The following ADGRL3 variants were observed in gnomAD, a reference collection of about 807,000 sequenced individuals.
The protein encoded by ADGRL3 is calcium-independent alpha-latrotoxin receptor 3.
A neutral mutation model predicts 153.5 loss-of-function variants in ADGRL3; 62 were observed. The ratio of observed to expected loss-of-function variants is 0.40; its 90% confidence interval spans 0.33 to 0.50. The LOEUF (loss-of-function observed/expected upper bound fraction) is 0.50, where lower values mean the gene tolerates loss of function less well. ADGRL3 is among the 20% of genes least tolerant of loss of function. The pLI is 0.47. For synonymous variants in ADGRL3, 710 were observed against 672.5 expected, an observed-to-expected ratio of 1.06 and a Z score of -0.86; for missense variants, 1,641 against 1,859.4, an observed-to-expected ratio of 0.88 and a Z score of 2.16.
At chr4:61,242,238 A>G (rs545903932) in intron 1 of ADGRL3, among the ~76,000 whole-genome samples, 17 of 152,014 alleles carry the variant, frequency 1.1e-4, no homozygotes, top group South Asian at 2.1e-4. Context: ...TGTAACCTCA[A>G]TGAGGTTGGA....
intron 1 of ADGRL3, among the ~76,000 whole-genome samples, chr4:61,268,938 T>C (rs2093006773): frequency 6.6e-6 from 1 of 151,706 alleles, no homozygotes; most frequent in African/African-American, 2.4e-5. Flanking sequence ...CCCTTTATAC[T>C]TAGAGCTTTA....
chr4:61,443,507 A>C (rs2097548772), intron 2 of ADGRL3, among the ~76,000 whole-genome samples: 1 of 152,196 alleles, frequency 6.6e-6, no homozygotes, highest in African/African-American at 2.4e-5. Context: ...GAACCCATAA[A>C]AATATTCAAA....
At position 61,694,175 on chromosome 4, in the gene ADGRL3, CATTATTTTTTTTTTTTTTTTTTT is replaced by C. The variant is rs2095592800; in HGVS notation, c.583+17241_583+17263del. On this transcript the variant is annotated intron_variant, in intron 6 of 26. Transcript: ENST00000683033. ...GTCCTATACTATTTTAAAATTTTGT[CATTATTTTTTTTTTTTTTTTTTT>C]TTTTTTTTTTTTTTTTTTTTTAGAG... 7.7e-5 allele frequency among the ~76,000 whole-genome samples: 4 copies of C among 51,848 alleles called. 1 individual carries two copies. Among genetic ancestry groups the C allele is most frequent in the East Asian group, 1.5e-3 (2 of 1,374 alleles). 34.0% of individuals were successfully genotyped at this position (51,848 alleles called of 152,430 possible).
intron 21 of ADGRL3, among the ~76,000 whole-genome samples, chr4:62,002,780 T>C (rs2099144979): frequency 1.3e-5 from 2 of 152,274 alleles, no homozygotes; most frequent in South Asian, 4.1e-4. Flanking sequence ...ATTGAGTTTC[T>C]GACAGGTCAA....
At chr4:61,686,989 T>G (rs1448353441) in intron 6 of ADGRL3, among the ~76,000 whole-genome samples, 1 of 152,088 alleles carries the variant, frequency 6.6e-6, no homozygotes, top group Non-Finnish European at 1.5e-5. Flanking sequence ...CTTTTTTATG[T>G]TTAAATTTAA....
intron 4 of ADGRL3, among the ~76,000 whole-genome samples, chr4:61,559,999 C>G (rs1217812368): frequency 6.6e-6 from 1 of 152,050 alleles, no homozygotes; most frequent in Admixed American, 6.6e-5. Flanking sequence ...CACATATTCA[C>G]ATGAAAAAGT....
At chr4:61,359,625 C>G (rs1368457751) in intron 1 of ADGRL3, among the ~76,000 whole-genome samples, 1 of 152,082 alleles carries the variant, frequency 6.6e-6, no homozygotes, top group African/African-American at 2.4e-5. Context: ...CGAATTTTAC[C>G]TTCTCAATGA....
chr4:61,345,561 A>C (rs1477745830), intron 1 of ADGRL3, among the ~76,000 whole-genome samples: 2 of 152,212 alleles, frequency 1.3e-5, no homozygotes, highest in Admixed American at 6.5e-5. Context: ...TGATTATTGC[A>C]TGGGCAAGAA....
At chr4:61,822,584 C>A (rs921845391) in intron 9 of ADGRL3, among the ~76,000 whole-genome samples, 1 of 152,050 alleles carries the variant, frequency 6.6e-6, no homozygotes, top group Non-Finnish European at 1.5e-5. Flanking sequence ...GTTTTGCAAA[C>A]CTGTAACATA....
chr4:61,652,389 T>A (rs2094292140), intron 5 of ADGRL3, among the ~76,000 whole-genome samples: 1 of 152,168 alleles, frequency 6.6e-6, no homozygotes, highest in African/African-American at 2.4e-5. Flanking sequence ...TTTCTTTGGA[T>A]TAATTGATTA....
At chr4:61,940,251 G>A (rs1320672935) in intron 15 of ADGRL3, among the ~76,000 whole-genome samples, 5 of 36,794 alleles carry the variant, frequency 1.4e-4, no homozygotes, top group African/African-American at 5.5e-4. Context: ...CCCTACAAAG[G>A]ATATGAACTC....
intron 1 of ADGRL3, among the ~76,000 whole-genome samples, chr4:61,320,529 G>A (rs943714166): frequency 6.6e-6 from 1 of 152,134 alleles, no homozygotes; most frequent in Non-Finnish European, 1.5e-5. Context: ...TTGAAGGCTG[G>A]TAAACTCAAG....
chr4:61,923,257 A>G (rs1000071484), intron 13 of ADGRL3, among the ~76,000 whole-genome samples: 1 of 152,218 alleles, frequency 6.6e-6, no homozygotes, highest in African/African-American at 2.4e-5. Flanking sequence ...TTCCTCTGAT[A>G]CTGATTCTTA....
chr4:61,628,019 C>T (rs754600421), intron 5 of ADGRL3, among the ~76,000 whole-genome samples: 1 of 152,082 alleles, frequency 6.6e-6, no homozygotes. Context: ...TACAGAGTAA[C>T]TCTCCTTGGA....
chr4:61,306,073 CTTAT>C (rs1310054396), intron 1 of ADGRL3, among the ~76,000 whole-genome samples: 3 of 151,814 alleles, frequency 2.0e-5, no homozygotes, highest in African/African-American at 4.8e-5. Flanking sequence ...CAAGGATGAA[CTTAT>C]TTATTTATTT....
chr4:62,062,907 T>C (rs1740962210), intron 25 of ADGRL3, among the ~76,000 whole-genome samples: 1 of 152,134 alleles, frequency 6.6e-6, no homozygotes, highest in Non-Finnish European at 1.5e-5. Flanking sequence ...TACCATGGTG[T>C]ACTAATGAGT....
intron 17 of ADGRL3, among the ~76,000 whole-genome samples, chr4:61,972,047 CT>C (rs1199435991): frequency 6.6e-6 from 1 of 151,744 alleles, no homozygotes; most frequent in Non-Finnish European, 1.5e-5. Flanking sequence ...ATTGTAGATT[CT>C]GGATATTAGC....
rs150805207 is a variant in ADGRL3 at position 61,846,878 on chromosome 4, A to G, written c.1480+32989A>G. On this transcript the variant is annotated intron_variant, in intron 9 of 26. Transcript: ENST00000683033. ...GAAGGAGAGGTGCCACATGCTTTCA[A>G]ATGACGAGATCTCATAAGAACTCAT... Among the ~76,000 whole-genome samples, 553 of 151,754 alleles carry G rather than the reference A, an allele frequency of 3.6e-3. 3 individuals are homozygous for G. Among genetic ancestry groups the G allele is most frequent in the Middle Eastern group, 0.014 (4 of 292 alleles).
At chr4:61,450,127 C>T (rs1473729365) in intron 2 of ADGRL3, among the ~76,000 whole-genome samples, 1 of 152,078 alleles carries the variant, frequency 6.6e-6, no homozygotes, top group Non-Finnish European at 1.5e-5. Context: ...AGTCACTCAA[C>T]CAAAGGTGGC....
Sources: allele counts gnomAD v4.1 joint callset (sites outside exome capture counted in the v4.1 genomes callset), GRCh38; gene constraint gnomAD v4.1.1; transcripts MANE v1.5; gene names NCBI Gene and HGNC (gene_info 2026-07-23, HGNC 2026-07-21).